CHRM3: variants seen among roughly 807,000 people sequenced by gnomAD.
CHRM3 encodes the protein cholinergic receptor muscarinic 3.
A neutral mutation model predicts 41.8 loss-of-function variants in CHRM3; 11 were observed. That is an observed-to-expected ratio of 0.26 (90% CI 0.17 to 0.44). The LOEUF is 0.44. CHRM3 is among the 20% of genes least tolerant of loss of function. The pLI is 1.00. For missense variants in CHRM3, 571 were observed against 745.4 expected, an observed-to-expected ratio of 0.77 and a Z score of 2.72; for synonymous variants, 297 against 301.4, an observed-to-expected ratio of 0.99 and a Z score of 0.15.
At chr1:239,793,803 ATTTTTT>A (rs67460907) in intron 5 of CHRM3, among the ~76,000 whole-genome samples, 6 of 69,494 alleles carry the variant, frequency 8.6e-5, no homozygotes, top group African/African-American at 2.5e-4. Context: ...TGAAATGTGT[ATTTTTT>A]TTTTTTTTTT....
At chr1:239,894,443 T>C (rs1285857654) in intron 6 of CHRM3, among the ~76,000 whole-genome samples, 1 of 152,124 alleles carries the variant, frequency 6.6e-6, no homozygotes, top group African/African-American at 2.4e-5. Flanking sequence ...TATTTATTTT[T>C]ATTTTTTGAG....
At chr1:239,737,999 TAAC>T (rs200887896) in intron 5 of CHRM3, among the ~76,000 whole-genome samples, 3 of 152,046 alleles carry the variant, frequency 2.0e-5, no homozygotes, top group Admixed American at 6.6e-5. Context: ...ATGACAAAAA[TAAC>T]AACAACAACA....
chr1:239,500,124 C>T (rs949851206), intron 2 of CHRM3, among the ~76,000 whole-genome samples: 4 of 152,000 alleles, frequency 2.6e-5, no homozygotes, highest in African/African-American at 9.7e-5. Flanking sequence ...GAGTTTTTAG[C>T]ATGAAGGGTT....
At chr1:239,596,025 T>A (rs1664735111) in intron 3 of CHRM3, among the ~76,000 whole-genome samples, 1 of 152,214 alleles carries the variant, frequency 6.6e-6, no homozygotes, top group African/African-American at 2.4e-5. Flanking sequence ...AATCCACTTT[T>A]AAGTGTTTTA....
At chr1:239,841,962 T>G (rs1673832626) in intron 6 of CHRM3, among the ~76,000 whole-genome samples, 1 of 152,180 alleles carries the variant, frequency 6.6e-6, no homozygotes, top group African/African-American at 2.4e-5. Flanking sequence ...GGTTCTAGGC[T>G]GGTGTAGGGG....
chr1:239,653,268 A>AGGCAG (rs1213309292), intron 4 of CHRM3, among the ~76,000 whole-genome samples: 4 of 152,166 alleles, frequency 2.6e-5, no homozygotes, highest in African/African-American at 9.7e-5. Context: ...TTCTAGCTGC[A>AGGCAG]GGCAGTCCAG....
At chr1:239,396,821 A>G (rs1346354623) in intron 1 of CHRM3, among the ~76,000 whole-genome samples, 6 of 152,216 alleles carry the variant, frequency 3.9e-5, no homozygotes, top group Non-Finnish European at 8.8e-5. Flanking sequence ...TTTACTCTAT[A>G]CAAAACTGGG....
chr1:239,466,451 T>C (rs1163498630), intron 1 of CHRM3, among the ~76,000 whole-genome samples: 3 of 152,144 alleles, frequency 2.0e-5, no homozygotes, highest in Non-Finnish European at 4.4e-5. Context: ...TCAATAAGGC[T>C]TCTGGTTAAC....
rs527413056 is a variant in CHRM3 at position 239,880,626 on chromosome 1, G to A, written c.-19-26807G>A. ...TCCTCCTCAGCCTCCTGAGTAGCTC[G>A]GACTATAGGTGCACACCACCATGCC... is the stretch of plus-strand genomic sequence containing the variant. On this transcript the variant is annotated intron_variant, in intron 6 of 6. Coordinates refer to ENST00000676153, the MANE Select transcript of CHRM3 (RefSeq NM_001375978.1). Among the ~76,000 whole-genome samples the A allele has an allele frequency of 3.9e-5, 6 of 152,178 alleles. No individual in the cohort carries two copies. The South Asian group carries it at 8.3e-4, about 21-fold the overall frequency.
intron 1 of CHRM3, among the ~76,000 whole-genome samples, chr1:239,398,113 G>T (rs554339675): frequency 1.8e-4 from 27 of 152,258 alleles, no homozygotes; most frequent in African/African-American, 6.3e-4. Context: ...CCTAGAGATA[G>T]CAGCAAAGGA....
At chr1:239,610,190 CAAAAAAAA>C (rs35512941) in intron 3 of CHRM3, among the ~76,000 whole-genome samples, 1 of 77,898 alleles carries the variant, frequency 1.3e-5, no homozygotes, top group South Asian at 6.6e-4. Context: ...AAGACTCTGT[CAAAAAAAA>C]AAAAAAAAAA....
chr1:239,527,815 A>C (rs937142264), intron 2 of CHRM3, among the ~76,000 whole-genome samples: 2 of 152,248 alleles, frequency 1.3e-5, no homozygotes, highest in Admixed American at 6.5e-5. Flanking sequence ...AGAATTAGAG[A>C]TAATGAATGT....
chr1:239,708,128 A>G (rs1193010707), intron 5 of CHRM3, among the ~76,000 whole-genome samples: 1 of 152,206 alleles, frequency 6.6e-6, no homozygotes, highest in Admixed American at 6.5e-5. Flanking sequence ...ATAACACTTT[A>G]TGTTTCAGAC....
rs186381796 is a variant in CHRM3 at position 239,798,963 on chromosome 1, A to G, written c.-146-28289A>G. 7.2e-5 allele frequency among the ~76,000 whole-genome samples: 11 copies of G among 152,274 alleles called. 1 individual carries two copies. In the East Asian group the frequency reaches 1.5e-3, roughly 21 times the overall value. On this transcript the variant is annotated intron_variant, in intron 5 of 6. Coordinates refer to ENST00000676153, the MANE Select transcript of CHRM3 (RefSeq NM_001375978.1). ...GCGTTGTTTGAAGCTGTTAGAGTGG[A>G]TGAGTGTCTAAAGATGAAAGTGTAG...
chr1:239,813,916 C>CAAAAAAAAAAAAAAAAAAAAAA (rs67147618), intron 5 of CHRM3, among the ~76,000 whole-genome samples: 13 of 103,218 alleles, frequency 1.3e-4, no homozygotes, highest in African/African-American at 6.1e-4. Context: ...GACTCCGTCT[C>CAAAAAAAAAAAAAAAAAAAAAA]AAAAAAAAAA....
chr1:239,601,085 G>A (rs1218345930), intron 3 of CHRM3, among the ~76,000 whole-genome samples: 1 of 152,140 alleles, frequency 6.6e-6, no homozygotes, highest in Non-Finnish European at 1.5e-5. Context: ...CCAGTGGAGA[G>A]GATTATATAA....
At chr1:239,627,633 G>T (rs1223425179) in intron 3 of CHRM3, among the ~76,000 whole-genome samples, 4 of 144,700 alleles carry the variant, frequency 2.8e-5, no homozygotes, top group African/African-American at 2.7e-5. Flanking sequence ...TTTTGCAGCG[G>T]CTGGTACCCG....
At position 239,914,204 on chromosome 1, in the gene CHRM3, A is replaced by G. The variant is rs899302639; in HGVS notation, c.*4980A>G. The G allele has an allele frequency of 6.6e-5, 11 of 167,116 alleles. No homozygotes were observed. The highest frequency in any genetic ancestry group is 1.6e-4 in the Non-Finnish European group (11 of 68,126). 10.4% of individuals were successfully genotyped at this position (167,116 alleles called of 1,614,324 possible). A position where few individuals can be genotyped will look rare whatever the true frequency, so the allele number is the denominator to read the frequency against. The stretch of plus-strand genomic sequence containing the variant: ...CTTAGCAGTTCTGCAGTTCACATAC[A>G]AAACTCAAAACTCTTTTTATCCTGT... On this transcript the variant is annotated 3_prime_UTR_variant, in exon 7 of 7. Coordinates refer to ENST00000676153, the MANE Select transcript of CHRM3 (RefSeq NM_001375978.1).
intron 5 of CHRM3, among the ~76,000 whole-genome samples, chr1:239,694,882 C>CT (rs1379524718): frequency 6.6e-6 from 1 of 151,870 alleles, no homozygotes; most frequent in Middle Eastern, 3.4e-3. Flanking sequence ...TTTTATCAGT[C>CT]TTTTTTTTAA....
Sources: allele counts gnomAD v4.1 joint callset (sites outside exome capture counted in the v4.1 genomes callset), GRCh38; gene constraint gnomAD v4.1.1; transcripts MANE v1.5; gene names NCBI Gene and HGNC (gene_info 2026-07-23, HGNC 2026-07-21).